RCAN3: variants seen among roughly 807,000 people sequenced by gnomAD.
RCAN3 encodes the protein regulator of calcineurin 3.
Under a neutral mutation model 21.9 loss-of-function variants are expected in RCAN3, and 19 were observed. The observed-to-expected ratio is 0.87, with a 90% confidence interval of 0.61 to 1.27. The LOEUF (loss-of-function observed/expected upper bound fraction) is 1.27. Among genes scored for constraint, RCAN3 ranks in the 50% most tolerant of loss-of-function variants. The pLI is 0.00. For missense variants in RCAN3, 240 were observed against 300.1 expected (o/e 0.80, Z 1.48); for synonymous variants, 114 against 112.3 (o/e 1.01, Z -0.09).
chr1:24,504,442 A>C (rs1647289651), intron 1 of RCAN3, among the ~76,000 whole-genome samples: 1 of 146,816 alleles, frequency 6.8e-6, no homozygotes, highest in Admixed American at 6.8e-5. Context: ...TGCTGAGATT[A>C]CAGGCATGAG....
intron 1 of RCAN3, 63 bp from the exon 2 acceptor site, chr1:24,514,251 G>C (rs1046589015): frequency 1.3e-6 from 1 of 757,264 alleles, no homozygotes; most frequent in Non-Finnish European, 2.0e-6. Context: ...TGGAGACATT[G>C]ATTGATTGGA....
At chr1:24,532,823 G>A (rs373908133) in intron 3 of RCAN3, among the ~76,000 whole-genome samples, 3 of 151,080 alleles carry the variant, frequency 2.0e-5, no homozygotes, top group African/African-American at 7.3e-5. Flanking sequence ...GTGGTGACAT[G>A]CACCTGTAGT....
At chr1:24,510,909 G>T (rs1647822764) in intron 1 of RCAN3, among the ~76,000 whole-genome samples, 1 of 152,138 alleles carries the variant, frequency 6.6e-6, no homozygotes, top group Admixed American at 6.5e-5. Context: ...TTATTAATTG[G>T]CCTAATTTCA....
At position 24,540,656 on chromosome 1, in the gene RCAN3, A is replaced by G. The variant is rs1350242926; in HGVS notation, c.*5379A>G. The G allele has an allele frequency of 6.6e-6, 1 of 152,136 alleles. No homozygotes were observed. Among genetic ancestry groups the G allele is most frequent in the Non-Finnish European group, 1.5e-5 (1 of 68,024 alleles). The allele number at this position is 152,136 out of a possible 1,614,324, so 9.4% of individuals were successfully genotyped here. On this transcript the variant is annotated 3_prime_UTR_variant, in exon 5 of 5. Transcript: ENST00000374395. ...CCTTCAAGTTTCAGAAAACTTTCCCAATCATTTCACTTCAATCTTAATTGA... is the reference window on the plus strand; with the variant it reads ...CCTTCAAGTTTCAGAAAACTTTCCCGATCATTTCACTTCAATCTTAATTGA...
Position 24,533,172 on chromosome 1 carries a change from C to T in RCAN3, c.459C>T (p.Pro153=), listed in dbSNP as rs770041022. ...TCCTCATCTCCCCTCCAGCCTCTCC[C>T]CCGGTGGGGTGGAAGCAGAGCGAAG... ...KQFLISPPAS[P]PVGWKQSEDA... Residue 153 remains proline, a synonymous_variant, in exon 4 of 5, where the codon CCC becomes CCT. Coordinates refer to ENST00000374395, the MANE Select transcript of RCAN3 (RefSeq NM_013441.4). The T allele has an allele frequency of 2.0e-5, 32 of 1,607,426 alleles. No individual in the cohort carries two copies. The highest frequency in any genetic ancestry group is 2.5e-5 in the Non-Finnish European group (29 of 1,177,942).
intron 1 of RCAN3, among the ~76,000 whole-genome samples, chr1:24,507,393 T>C (rs1466366142): frequency 6.6e-6 from 1 of 152,218 alleles, no homozygotes; most frequent in Non-Finnish European, 1.5e-5. Flanking sequence ...CAGAATTCAA[T>C]TTACCTTTGT....
In RCAN3 at chr1:24,540,926, C is replaced by G. The variant is rs902306448; in HGVS notation, c.*5649C>G. 1.3e-5 allele frequency: 2 copies of G among 152,182 alleles called. No homozygotes were observed. The highest frequency in any genetic ancestry group is 2.9e-5 in the Non-Finnish European group (2 of 68,024). The allele number at this position is 152,182 out of a possible 1,614,324, so 9.4% of individuals were successfully genotyped here. A position where few individuals can be genotyped will look rare whatever the true frequency, so the allele number is the denominator to read the frequency against. ...TTAAGGACATCTAAACATTCCTTGTCCTATCAAGATGACAAAAGCAGAATG... is the reference window on the plus strand; with the variant it reads ...TTAAGGACATCTAAACATTCCTTGTGCTATCAAGATGACAAAAGCAGAATG... On this transcript the variant is annotated 3_prime_UTR_variant, in exon 5 of 5. Transcript: ENST00000374395.
In RCAN3 at chr1:24,538,362, C is replaced by T. The variant is rs988410567; in HGVS notation, c.*3085C>T. The T allele has an allele frequency of 6.6e-6, 1 of 152,006 alleles. No individual in the cohort carries two copies. Among genetic ancestry groups the T allele is most frequent in the Non-Finnish European group, 1.5e-5 (1 of 67,994 alleles). The allele number at this position is 152,006 out of a possible 1,614,324, so 9.4% of individuals were successfully genotyped here. ...AGCTTCAAGGAACTTTTAAGTTCAA[C>T]ATAAAGGTTTAAATAAAATATTTTT... On this transcript the variant is annotated 3_prime_UTR_variant, in exon 5 of 5. Coordinates refer to ENST00000374395, the MANE Select transcript of RCAN3 (RefSeq NM_013441.4).
In RCAN3 at chr1:24,512,116, G is replaced by A. The variant is rs181841815; in HGVS notation, c.-59-2198G>A. ...AGTACAGCTGACACTTTGGGAGGCC[G>A]AGGCGGGCGGATAACTTAAGGTCAG... is the stretch of plus-strand genomic sequence containing the variant. On this transcript the variant is annotated intron_variant, in intron 1 of 4. Coordinates refer to ENST00000374395, the MANE Select transcript of RCAN3 (RefSeq NM_013441.4). 1.4e-4 allele frequency among the ~76,000 whole-genome samples: 21 copies of A among 152,194 alleles called. No homozygotes were observed. In the East Asian group the frequency reaches 2.9e-3, roughly 21 times the overall value.
intron 2 of RCAN3, among the ~76,000 whole-genome samples, chr1:24,520,670 C>T (rs933455514): frequency 1.0e-4 from 12 of 118,596 alleles, no homozygotes; most frequent in Admixed American, 8.6e-4. Context: ...CATCACACTC[C>T]GGGGACTGTT....
intron 2 of RCAN3, among the ~76,000 whole-genome samples, chr1:24,518,128 C>G (rs1280701141): frequency 6.6e-6 from 1 of 152,128 alleles, no homozygotes; most frequent in Non-Finnish European, 1.5e-5. Flanking sequence ...AGTTCGAGAC[C>G]AGCCTGGCCA....
rs1434347868 is a variant in RCAN3 at position 24,536,086 on chromosome 1, G to A, written c.*809G>A. ...ACTGCATTCTGCCGTTCGTGACCGT[G>A]TTCTAGCCTGTAGACCACCCAGCTA... On this transcript the variant is annotated 3_prime_UTR_variant, in exon 5 of 5. Coordinates refer to ENST00000374395, the MANE Select transcript of RCAN3 (RefSeq NM_013441.4). 6.6e-6 allele frequency: 1 copy of A among 152,160 alleles called. No individual in the cohort carries two copies. The highest frequency in any genetic ancestry group is 2.4e-5 in the African/African-American group (1 of 41,448). The allele number at this position is 152,160 out of a possible 1,614,324, so 9.4% of individuals were successfully genotyped here.
rs1650145426 is a variant in RCAN3, at chr1:24,535,268, C to T, written c.717C>T (p.Cys239=). Residue 239 remains cysteine, a synonymous_variant, in exon 5 of 5, where the codon TGC becomes TGT. Transcript: ENST00000374395. The stretch of plus-strand genomic sequence containing the variant: ...TGAATGAGCCCCAGACCTTTGATTG[C>T]GCGCTGTGAGGCCCTTGGTTGTGGT... The part of the protein sequence containing the change: ...AALNEPQTFD[C]AL 4 of 1,543,358 alleles carry T rather than the reference C, an allele frequency of 2.6e-6. No homozygotes were observed. Among genetic ancestry groups the T allele is most frequent in the Non-Finnish European group, 3.5e-6 (4 of 1,151,688 alleles).
intron 3 of RCAN3, among the ~76,000 whole-genome samples, chr1:24,532,675 A>G (rs1038810004): frequency 2.0e-5 from 3 of 149,452 alleles, no homozygotes; most frequent in East Asian, 2.1e-4. Flanking sequence ...TAGGCCAGGC[A>G]CGGTGGCTCA....
intron 2 of RCAN3, among the ~76,000 whole-genome samples, chr1:24,521,615 A>T (rs1648817208): frequency 1.3e-5 from 2 of 152,248 alleles, no homozygotes; most frequent in Admixed American, 1.3e-4. Flanking sequence ...TGGGAATACA[A>T]GGCAGGTAGA....
Position 24,531,408 on chromosome 1 carries a change from A to G in RCAN3, c.369+17A>G, listed in dbSNP as rs1201301112. 7 of 1,556,620 alleles carry G rather than the reference A, an allele frequency of 4.5e-6. No homozygotes were observed. Among genetic ancestry groups the G allele is most frequent in the South Asian group, 2.4e-5 (2 of 82,488 alleles). On this transcript the variant is annotated intron_variant, in intron 3 of 4. Transcript: ENST00000374395. ...TTTGCACAGGTACTTCACCGTGCAG[A>G]GAACACTGTTCTCTAAACTTGTTTT...
At chr1:24,515,963 T>C (rs1277107902) in intron 2 of RCAN3, among the ~76,000 whole-genome samples, 1 of 151,996 alleles carries the variant, frequency 6.6e-6, no homozygotes, top group Non-Finnish European at 1.5e-5. Flanking sequence ...ACCAACATGG[T>C]GAAACCCCGT....
rs1273897355 is a variant in RCAN3 at position 24,502,934 on chromosome 1, G to C, written c.-276G>C. On this transcript the variant is annotated 5_prime_UTR_variant, in exon 1 of 5. Transcript: ENST00000374395. ...CCAGGGGGCCGCTCTCGCCGGCGTCGAGGGCGTGGCGGCGAGGCTGCTGCT... is the reference window on the plus strand; with the variant it reads ...CCAGGGGGCCGCTCTCGCCGGCGTCCAGGGCGTGGCGGCGAGGCTGCTGCT... 6.7e-6 allele frequency: 1 copy of C among 149,938 alleles called. No individual in the cohort carries two copies. Among genetic ancestry groups the C allele is most frequent in the Non-Finnish European group, 1.5e-5 (1 of 67,176 alleles). 9.3% of individuals were successfully genotyped at this position (149,938 alleles called of 1,614,324 possible).
At chr1:24,522,996 G>C (rs1464177875) in intron 2 of RCAN3, among the ~76,000 whole-genome samples, 2 of 151,854 alleles carry the variant, frequency 1.3e-5, no homozygotes, top group African/African-American at 2.4e-5. Context: ...TGCTATATTT[G>C]TTGGTCAAAA....
Sources: gnomAD v4.1 joint callset for allele counts (sites outside exome capture counted in the v4.1 genomes callset) on GRCh38, gnomAD v4.1.1 for gene constraint, MANE v1.5 for transcripts, NCBI Gene and HGNC (gene_info 2026-07-23, HGNC 2026-07-21) for gene names.